Variants in DLG2 observed in about 807,000 individuals in gnomAD.
The protein encoded by DLG2 is discs large MAGUK scaffold protein 2, also known as disks large homolog 2.
In DLG2, 45 loss-of-function variants were observed where a neutral mutation model predicts 132.5. That is an observed-to-expected ratio of 0.34 (90% CI 0.27 to 0.44). DLG2 has a LOEUF of 0.44. DLG2 is among the 20% of genes least tolerant of loss of function. DLG2 has a pLI of 1.00. For synonymous variants in DLG2, 424 were observed against 419.6 expected, an observed-to-expected ratio of 1.01 and a Z score of -0.13; for missense variants, 1,045 against 1,196.9, an observed-to-expected ratio of 0.87 and a Z score of 1.87.
intron 10 of DLG2, among the ~76,000 whole-genome samples, chr11:84,078,906 T>A (rs951502540): frequency 8.3e-5 from 3 of 36,056 alleles, no homozygotes; most frequent in African/African-American, 1.5e-4. Context: ...GTTGTAGGCA[T>A]CTTAAATTAA....
intron 6 of DLG2, among the ~76,000 whole-genome samples, chr11:84,775,362 TAGG>T (rs2070260857): frequency 6.6e-6 from 1 of 152,242 alleles, no homozygotes; most frequent in East Asian, 1.9e-4. Flanking sequence ...GGAAAGCAGT[TAGG>T]AGATGTCTGA....
chr11:83,893,260 G>C (rs2070522052), intron 15 of DLG2, among the ~76,000 whole-genome samples: 1 of 152,138 alleles, frequency 6.6e-6, no homozygotes, highest in East Asian at 1.9e-4. Flanking sequence ...CATAACATCA[G>C]GTCATAAGTT....
Position 84,786,848 on chromosome 11 carries a change from C to CA in DLG2, c.358-252118dup, listed in dbSNP as rs1236678454. 1.8e-4 allele frequency among the ~76,000 whole-genome samples: 28 copies of CA among 152,296 alleles called. 1 individual carries two copies. Among genetic ancestry groups the CA allele is most frequent in the African/African-American group, 6.5e-4 (27 of 41,540 alleles). On this transcript the variant is annotated intron_variant, in intron 6 of 27. Coordinates refer to ENST00000376104, the MANE Select transcript of DLG2 (RefSeq NM_001142699.3). ...ACCACCCTATGTTCAGAAAGATAGG[C>CA]AAAGCTCTCCTCTTTGTCTAGACCT...
intron 4 of DLG2, among the ~76,000 whole-genome samples, chr11:85,197,183 T>A (rs1297125289): frequency 6.6e-6 from 1 of 152,202 alleles, no homozygotes; most frequent in Non-Finnish European, 1.5e-5. Context: ...CGATGTAATA[T>A]TGAACTTTGC....
At chr11:84,692,375 G>A (rs2058145565) in intron 6 of DLG2, among the ~76,000 whole-genome samples, 2 of 151,570 alleles carry the variant, frequency 1.3e-5, no homozygotes, top group Admixed American at 1.3e-4. Flanking sequence ...ACATGTATCT[G>A]TCCATTATTA....
chr11:83,904,188 G>C (rs1384752), intron 15 of DLG2, among the ~76,000 whole-genome samples: 29,967 of 152,000 alleles, frequency 0.2, 3,089 homozygotes, highest in East Asian at 0.35. Flanking sequence ...GGGATTATTC[G>C]GGTCCTGGGC....
chr11:83,618,555 G>T (rs1325474401), intron 19 of DLG2, among the ~76,000 whole-genome samples: 1 of 152,166 alleles, frequency 6.6e-6, no homozygotes, highest in African/African-American at 2.4e-5. Context: ...CGGAGGCCTA[G>T]AGGGAGAAGA....
chr11:85,357,726 A>ATTTTATACTT (rs2083836404), intron 3 of DLG2, among the ~76,000 whole-genome samples: 1 of 2,654 alleles, frequency 3.8e-4, no homozygotes, highest in East Asian at 6.1e-3. Flanking sequence ...ATATATATAT[A>ATTTTATACTT]TATATATATA....
chr11:83,963,028 G>T lies in DLG2; in HGVS notation c.1202-5C>A, dbSNP rs2089243664. The stretch of plus-strand genomic sequence containing the variant: ...TTTCCATTGGTGGAGAATAAGCTAA[G>T]AGGTGGGGGAAAAAGAGAAAAGAAA... On this transcript the variant is annotated splice_region_variant and splice_polypyrimidine_tract_variant and intron_variant, in intron 13 of 27. Transcript: ENST00000376104. 1 of 1,612,356 alleles carries T rather than the reference G, an allele frequency of 6.2e-7. No homozygotes were observed. The highest frequency in any genetic ancestry group is 8.5e-7 in the Non-Finnish European group (1 of 1,178,618).
intron 18 of DLG2, among the ~76,000 whole-genome samples, chr11:83,737,249 T>C (rs1039887768): frequency 5.3e-5 from 8 of 152,228 alleles, no homozygotes; most frequent in African/African-American, 1.2e-4. Context: ...AATACAACTC[T>C]TTTATCAGAT....
chr11:84,273,607 A>G (rs960449266), intron 7 of DLG2, among the ~76,000 whole-genome samples: 1 of 152,164 alleles, frequency 6.6e-6, no homozygotes, highest in Non-Finnish European at 1.5e-5. Context: ...GTGAAAAAAT[A>G]TTCCTACCAG....
chr11:83,658,210 T>C (rs1404756664), intron 18 of DLG2, among the ~76,000 whole-genome samples: 1 of 152,250 alleles, frequency 6.6e-6, no homozygotes, highest in East Asian at 1.9e-4. Flanking sequence ...CTTGATACTT[T>C]CTATATCTAA....
At chr11:85,590,651 CTATATA>C (rs67069486) in intron 3 of DLG2, among the ~76,000 whole-genome samples, 1 of 148,768 alleles carries the variant, frequency 6.7e-6, no homozygotes, top group Admixed American at 6.7e-5. Flanking sequence ...CTCTCTCTCT[CTATATA>C]TATATATATA....
chr11:85,112,163 G>A (rs1266527655), intron 5 of DLG2, among the ~76,000 whole-genome samples: 1 of 152,046 alleles, frequency 6.6e-6, no homozygotes, highest in Non-Finnish European at 1.5e-5. Flanking sequence ...TAGTGATGGT[G>A]ATTCTCTCTA....
At chr11:85,470,269 CA>C (rs1264361911) in intron 3 of DLG2, among the ~76,000 whole-genome samples, 1 of 142,070 alleles carries the variant, frequency 7.0e-6, no homozygotes, top group African/African-American at 2.6e-5. Context: ...AAAACAAAAA[CA>C]AAAAACCCTG....
intron 6 of DLG2, among the ~76,000 whole-genome samples, chr11:85,092,898 C>A (rs1320736875): frequency 6.6e-6 from 1 of 152,132 alleles, no homozygotes; most frequent in Non-Finnish European, 1.5e-5. Flanking sequence ...GTCTTGGCCT[C>A]CCAAAGTGCT....
rs139608780 is a variant in DLG2, at chr11:83,467,549, G to C, written c.2620-732C>G. Among the ~76,000 whole-genome samples, 1,149 of 151,552 alleles carry C rather than the reference G, an allele frequency of 7.6e-3. 10 individuals carry two copies. The highest frequency in any genetic ancestry group is 0.026 in the African/African-American group (1,082 of 41,328). On this transcript the variant is annotated intron_variant, in intron 25 of 27. Transcript: ENST00000376104. ...GGATCACCTGAGATCAGGAGTTCGA[G>C]ACCAGCCTGACCAAAATGGTGAGAC...
At chr11:84,670,373 G>C (rs1181503242) in intron 6 of DLG2, among the ~76,000 whole-genome samples, 1 of 152,078 alleles carries the variant, frequency 6.6e-6, no homozygotes, top group Non-Finnish European at 1.5e-5. Flanking sequence ...AAGCACTCTA[G>C]TTATACATGA....
intron 4 of DLG2, among the ~76,000 whole-genome samples, chr11:85,240,967 T>C (rs556728387): frequency 1.3e-5 from 2 of 151,916 alleles, no homozygotes; most frequent in African/African-American, 4.8e-5. Flanking sequence ...GTTAAATTTT[T>C]TATTAATGTC....
Sources: gnomAD v4.1 joint callset for allele counts (sites outside exome capture counted in the v4.1 genomes callset) on GRCh38, gnomAD v4.1.1 for gene constraint, MANE v1.5 for transcripts, NCBI Gene and HGNC (gene_info 2026-07-23, HGNC 2026-07-21) for gene names.